Variants in IL16 observed in about 807,000 individuals in gnomAD.
The protein encoded by IL16 is interleukin 16.
A neutral mutation model predicts 110.1 loss-of-function variants in IL16; 67 were observed. The ratio of observed to expected loss-of-function variants is 0.61; its 90% CI spans 0.50 to 0.75. The LOEUF (loss-of-function observed/expected upper bound fraction) is 0.75, where lower values mean the gene tolerates loss of function less well. Ranked by LOEUF, IL16 falls within the 30% of genes least tolerant of loss-of-function variation. IL16 has a pLI of 0.00. For missense variants in IL16, 1,545 were observed against 1,655.0 expected, an observed-to-expected ratio of 0.93 and a Z score of 1.15; for synonymous variants, 689 against 662.9, an observed-to-expected ratio of 1.04 and a Z score of -0.61.
chr15:81,241,184 C>T (rs1567013838), intron 2 of IL16, among the ~76,000 whole-genome samples: 1 of 151,984 alleles, frequency 6.6e-6, no homozygotes. Context: ...TGCCAATAAG[C>T]CATTGTCTTA....
At chr15:81,220,590 G>A (rs2142020565) in intron 1 of IL16, among the ~76,000 whole-genome samples, 1 of 152,286 alleles carries the variant, frequency 6.6e-6, no homozygotes, top group East Asian at 1.9e-4. Flanking sequence ...TTTGATGTAG[G>A]ACACTGTTGG....
chr15:81,310,210 A>C lies in IL16; in HGVS notation c.*1412A>C, dbSNP rs1900781561. ...GCAAGGACACAGATGAAACACAAAC[A>C]ATAGTAATTCTCAGGCCATCATCAG... On this transcript the variant is annotated 3_prime_UTR_variant, in exon 19 of 19. Transcript: ENST00000683961. The C allele has an allele frequency of 6.6e-6, 1 of 152,226 alleles. No individual in the cohort carries two copies. The highest frequency in any genetic ancestry group is 2.4e-5 in the African/African-American group (1 of 41,458). The allele number at this position is 152,226 out of a possible 1,614,324, so 9.4% of individuals were successfully genotyped here.
At chr15:81,228,893 A>T (rs1194464334) in intron 2 of IL16, among the ~76,000 whole-genome samples, 1 of 152,180 alleles carries the variant, frequency 6.6e-6, no homozygotes, top group Non-Finnish European at 1.5e-5. Context: ...TCTGTGCCTC[A>T]GTTTTCTCAC....
intron 11 of IL16, among the ~76,000 whole-genome samples, chr15:81,290,877 C>T (rs1446057844): frequency 6.6e-6 from 1 of 152,064 alleles, no homozygotes; most frequent in Admixed American, 6.5e-5. Context: ...AGTTTGCAGC[C>T]CCTAGTTTAT....
chr15:81,273,341 C>G (rs1022041865), intron 6 of IL16, 137 bp downstream of exon 6: 21 of 584,894 alleles, frequency 3.6e-5, no homozygotes, highest in Non-Finnish European at 5.9e-5. Flanking sequence ...ATCCTGGGGT[C>G]TGCAAGCAAT....
intron 2 of IL16, among the ~76,000 whole-genome samples, chr15:81,235,157 G>A (rs1897139234): frequency 6.6e-6 from 1 of 152,200 alleles, no homozygotes; most frequent in African/African-American, 2.4e-5. Flanking sequence ...TCCATTGATA[G>A]CACAGACCCA....
At chr15:81,267,505 C>CAG (rs543367429) in intron 4 of IL16, among the ~76,000 whole-genome samples, 9 of 136,312 alleles carry the variant, frequency 6.6e-5, no homozygotes, top group East Asian at 1.9e-4. Flanking sequence ...CACACACACA[C>CAG]AGAGAGAGCG....
chr15:81,259,703 A>G (rs1898081265), intron 2 of IL16, 69 bp from the exon 3 acceptor site: 1 of 1,011,068 alleles, frequency 9.9e-7, no homozygotes, highest in East Asian at 2.4e-5. Context: ...CAGTGTCAAA[A>G]TCCAATTTTG....
intron 1 of IL16, chr15:81,188,316 G>C: frequency 8.8e-6 from 4 of 456,282 alleles, no homozygotes; most frequent in Non-Finnish European, 1.8e-5. Flanking sequence ...GGCATTTCTG[G>C]CTCTTGCACA....
In IL16 at chr15:81,313,369, G is replaced by A. The variant is rs143537293; in HGVS notation, c.*4571G>A. ...GGGAGGTAACCGCTGAGGTCGGTAT[G>A]GAAGAATGTGACCAGGTTGGTCTTG... On this transcript the variant is annotated 3_prime_UTR_variant, in exon 19 of 19. Coordinates refer to ENST00000683961, the MANE Select transcript of IL16 (RefSeq NM_172217.5). The A allele has an allele frequency of 2.1e-4, 328 of 1,576,114 alleles. No homozygotes were observed. Among genetic ancestry groups the A allele is most frequent in the Non-Finnish European group, 2.7e-4 (313 of 1,160,736 alleles).
chr15:81,307,736 G>C lies in IL16; in HGVS notation c.3806-869G>C, dbSNP rs140065774. On this transcript the variant is annotated intron_variant, in intron 18 of 18. Transcript: ENST00000683961. ...GCTGCAGGGTGATGTTGGAAGGAGA[G>C]ATGCAGATTCTGGAGCCAGAAAGTC... Among the ~76,000 whole-genome samples the C allele has an allele frequency of 2.7e-3, 417 of 152,306 alleles. 2 individuals carry two copies. The highest frequency in any genetic ancestry group is 4.4e-3 in the Admixed American group (68 of 15,300).
chr15:81,305,795 C>G, intron 16 of IL16, 113 bp from the exon 17 acceptor site: 2 of 1,313,864 alleles, frequency 1.5e-6, no homozygotes, highest in South Asian at 2.8e-5. Flanking sequence ...TATCTTTAAT[C>G]TTTGTTGGCC....
At chr15:81,212,493 A>G (rs1310755500) in intron 1 of IL16, among the ~76,000 whole-genome samples, 1 of 151,726 alleles carries the variant, frequency 6.6e-6, no homozygotes, top group Non-Finnish European at 1.5e-5. Context: ...ATTTTTTGAG[A>G]CAGGGTCTCA....
At chr15:81,218,326 A>G (rs555671275) in intron 1 of IL16, among the ~76,000 whole-genome samples, 242 of 152,296 alleles carry the variant, frequency 1.6e-3, no homozygotes, top group Non-Finnish European at 2.8e-3. Context: ...AAGAGTGTAA[A>G]ATGTTATTGA....
At chr15:81,258,804 C>T (rs190726798) in intron 2 of IL16, among the ~76,000 whole-genome samples, 1 of 151,936 alleles carries the variant, frequency 6.6e-6, no homozygotes, top group East Asian at 2.0e-4. Context: ...TATACGCACA[C>T]ACAACATGTG....
At chr15:81,185,204 A>G (rs1162907897) in intron 1 of IL16, among the ~76,000 whole-genome samples, 2 of 152,190 alleles carry the variant, frequency 1.3e-5, no homozygotes, top group Non-Finnish European at 2.9e-5. Context: ...TGTCTTTGAT[A>G]GTTAAGAGCT....
intron 3 of IL16, among the ~76,000 whole-genome samples, chr15:81,263,229 C>T (rs1006804201): frequency 6.6e-6 from 1 of 152,126 alleles, no homozygotes; most frequent in African/African-American, 2.4e-5. Flanking sequence ...ATCCCTTTTC[C>T]ATGGATTTTT....
chr15:81,209,307 G>A lies in IL16; in HGVS notation c.-102+12155G>A, dbSNP rs28407211. On this transcript the variant is annotated intron_variant, in intron 1 of 18. Coordinates refer to ENST00000683961, the MANE Select transcript of IL16 (RefSeq NM_172217.5). ...GAGGGGCGTCCTGGGGGAGGTGGCT[G>A]TTGAAAGCAGGATATTCCAGGAAAC... Among the ~76,000 whole-genome samples the A allele has an allele frequency of 3.9e-3, 587 of 152,244 alleles. 1 individual carries two copies. Among genetic ancestry groups the A allele is most frequent in the African/African-American group, 0.014 (565 of 41,526 alleles).
intron 2 of IL16, among the ~76,000 whole-genome samples, chr15:81,231,922 G>C (rs1474658071): frequency 1.3e-5 from 2 of 151,566 alleles, no homozygotes; most frequent in Non-Finnish European, 2.9e-5. Flanking sequence ...GTCTATTTCT[G>C]GTTTCTCTAT....
Sources: allele counts gnomAD v4.1 joint callset (sites outside exome capture counted in the v4.1 genomes callset), GRCh38; gene constraint gnomAD v4.1.1; transcripts MANE v1.5; gene names NCBI Gene and HGNC (gene_info 2026-07-23, HGNC 2026-07-21).